The following SLC35F1 variants were observed in gnomAD, a reference collection of about 807,000 sequenced individuals.
The protein encoded by SLC35F1 is chromosome 6 open reading frame 169.
A neutral mutation model predicts 48.7 loss-of-function variants in SLC35F1; 14 were observed. That is an observed-to-expected ratio of 0.29 (90% CI 0.19 to 0.45). SLC35F1 has a LOEUF of 0.45. Ranked by LOEUF, SLC35F1 falls within the 20% of genes least tolerant of loss-of-function variation. The pLI is 1.00. For missense variants in SLC35F1, 404 were observed against 500.0 expected, an observed-to-expected ratio of 0.81 and a Z score of 1.83; for synonymous variants, 190 against 202.2, an observed-to-expected ratio of 0.94 and a Z score of 0.51.
intron 4 of SLC35F1, among the ~76,000 whole-genome samples, chr6:118,268,600 A>ATTTTTTTT (rs139088554): frequency 2.3e-5 from 2 of 87,878 alleles, no homozygotes; most frequent in East Asian, 3.3e-4. Flanking sequence ...ATATATATAT[A>ATTTTTTTT]TTTTTTTTTT....
In SLC35F1 at chr6:118,068,876, A is replaced by G. The variant is rs182571328; in HGVS notation, c.174-85569A>G. 7.5e-4 allele frequency among the ~76,000 whole-genome samples: 115 copies of G among 152,324 alleles called. 1 individual carries two copies. The highest frequency in any genetic ancestry group is 7.2e-3 in the South Asian group (35 of 4,828). On this transcript the variant is annotated intron_variant, in intron 1 of 7. Transcript: ENST00000360388. ...GCAAATACCACTAAATAGAAAACAAATTCCATTATTTTCTCTTTGAACAAG... is the reference window on the plus strand; with the variant it reads ...GCAAATACCACTAAATAGAAAACAAGTTCCATTATTTTCTCTTTGAACAAG...
intron 2 of SLC35F1, among the ~76,000 whole-genome samples, chr6:118,233,155 C>A (rs1438806770): frequency 1.3e-5 from 2 of 152,170 alleles, no homozygotes; most frequent in African/African-American, 4.8e-5. Context: ...TTAGTAGAGA[C>A]AGAGTTTCAC....
intron 1 of SLC35F1, among the ~76,000 whole-genome samples, chr6:117,988,396 A>T (rs1440503163): frequency 2.6e-5 from 4 of 152,204 alleles, no homozygotes; most frequent in Non-Finnish European, 5.9e-5. Context: ...AATTTAGTTC[A>T]ATCAAAAATA....
At chr6:118,012,326 G>GGA (rs772896282) in intron 1 of SLC35F1, among the ~76,000 whole-genome samples, 2 of 137,274 alleles carry the variant, frequency 1.5e-5, no homozygotes, top group African/African-American at 2.8e-5. Flanking sequence ...AATAAATGGG[G>GGA]AAAAAAAAAA....
chr6:118,106,488 C>A (rs540003256), intron 1 of SLC35F1, among the ~76,000 whole-genome samples: 4 of 152,182 alleles, frequency 2.6e-5, no homozygotes, highest in African/African-American at 9.6e-5. Flanking sequence ...CCTGTTGGCT[C>A]TACAGCCACT....
At chr6:118,099,535 C>G (rs369596894) in intron 1 of SLC35F1, among the ~76,000 whole-genome samples, 39 of 151,978 alleles carry the variant, frequency 2.6e-4, no homozygotes, top group East Asian at 1.7e-3. Flanking sequence ...CTCCTGTTCC[C>G]CCCAAGAATT....
At position 117,923,638 on chromosome 6, in the gene SLC35F1, C is replaced by CATATGT. The variant is rs1562238573; in HGVS notation, c.173+15741_173+15746dup. On this transcript the variant is annotated intron_variant, in intron 1 of 7. Transcript: ENST00000360388. ...ACATATGTATATATACATATATGTA[C>CATATGT]ATATGTACATATGTACATATGTATA... 6.3e-4 allele frequency among the ~76,000 whole-genome samples: 32 copies of CATATGT among 50,972 alleles called. 3 individuals carry two copies. Among genetic ancestry groups the CATATGT allele is most frequent in the African/African-American group, 2.4e-3 (32 of 13,422 alleles). 33.4% of individuals were successfully genotyped at this position (50,972 alleles called of 152,430 possible).
intron 1 of SLC35F1, among the ~76,000 whole-genome samples, chr6:117,973,916 C>T (rs907993665): frequency 1.3e-5 from 2 of 152,142 alleles, no homozygotes; most frequent in African/African-American, 2.4e-5. Flanking sequence ...CCAGCTCTGC[C>T]AAGGTAAACT....
chr6:118,296,742 T>C (rs1009542476), intron 7 of SLC35F1, among the ~76,000 whole-genome samples: 6 of 152,090 alleles, frequency 3.9e-5, no homozygotes, highest in Non-Finnish European at 8.8e-5. Flanking sequence ...ACGGAAAGGA[T>C]TGTGATTGGA....
At chr6:117,979,266 A>G (rs6942098) in intron 1 of SLC35F1, among the ~76,000 whole-genome samples, 151,429 of 152,318 alleles carry the variant, frequency 0.99, 75,277 homozygotes, top group Middle Eastern at 1. Flanking sequence ...GTGGTGGAAC[A>G]GGGCTCAGGT....
chr6:117,914,001 AG>A (rs1775794994), intron 1 of SLC35F1, among the ~76,000 whole-genome samples: 1 of 152,158 alleles, frequency 6.6e-6, no homozygotes, highest in African/African-American at 2.4e-5. Flanking sequence ...CAGTGAGCCA[AG>A]ATCACGCCAC....
At chr6:118,227,807 A>G (rs1775238125) in intron 2 of SLC35F1, among the ~76,000 whole-genome samples, 1 of 152,220 alleles carries the variant, frequency 6.6e-6, no homozygotes, top group Admixed American at 6.5e-5. Flanking sequence ...TTCATGTGGG[A>G]GGTAACATTT....
intron 1 of SLC35F1, among the ~76,000 whole-genome samples, chr6:117,960,629 G>T (rs1453886065): frequency 6.6e-6 from 1 of 152,120 alleles, no homozygotes. Context: ...AAAGAAAAGC[G>T]ATTTATCTGG....
intron 1 of SLC35F1, among the ~76,000 whole-genome samples, chr6:118,082,423 G>A (rs1267707134): frequency 2.0e-5 from 3 of 152,140 alleles, no homozygotes; most frequent in African/African-American, 7.2e-5. Flanking sequence ...GGAACAAACA[G>A]GCCTGGAGTT....
intron 1 of SLC35F1, among the ~76,000 whole-genome samples, chr6:117,960,610 G>A (rs1776485544): frequency 6.6e-6 from 1 of 152,112 alleles, no homozygotes; most frequent in African/African-American, 2.4e-5. Flanking sequence ...GTAGAAAGGG[G>A]GAAGAGGGAA....
intron 2 of SLC35F1, 52 bp from the exon 3 acceptor site, chr6:118,235,457 A>G (rs1026413272): frequency 1.3e-6 from 2 of 1,531,580 alleles, no homozygotes; most frequent in Non-Finnish European, 1.8e-6. Flanking sequence ...TAAATGTACA[A>G]TTTATTCTAT....
intron 1 of SLC35F1, among the ~76,000 whole-genome samples, chr6:118,150,286 C>G (rs1774036631): frequency 6.6e-6 from 1 of 152,134 alleles, no homozygotes; most frequent in African/African-American, 2.4e-5. Flanking sequence ...CCATTTTGTA[C>G]TAAGTTATTT....
In SLC35F1 at chr6:118,154,988, A is replaced by T. The variant is rs546469145; in HGVS notation, c.349+368A>T. Reference sequence around the variant, plus strand: ...ATGCTTGCTCTGAGAAATCCAAGGGAATTGCAGACAAATATATGTTCTGTG... The same window carrying T: ...ATGCTTGCTCTGAGAAATCCAAGGGTATTGCAGACAAATATATGTTCTGTG... On this transcript the variant is annotated intron_variant, in intron 2 of 7. Coordinates refer to ENST00000360388, the MANE Select transcript of SLC35F1 (RefSeq NM_001029858.4). Among the ~76,000 whole-genome samples the T allele has an allele frequency of 9.8e-5, 15 of 152,330 alleles. No individual in the cohort carries two copies. In the East Asian group the frequency reaches 2.9e-3, roughly 29 times the overall value.
At position 118,017,871 on chromosome 6, in the gene SLC35F1, C is replaced by T. The variant is rs115817396; in HGVS notation, c.173+109972C>T. On this transcript the variant is annotated intron_variant, in intron 1 of 7. Coordinates refer to ENST00000360388, the MANE Select transcript of SLC35F1 (RefSeq NM_001029858.4). ...GTCAATGGACCTTATCGTTACTTTACACTTTGCTTTTAAAGTCCTCCAGCA... is the reference window on the plus strand; with the variant it reads ...GTCAATGGACCTTATCGTTACTTTATACTTTGCTTTTAAAGTCCTCCAGCA... Among the ~76,000 whole-genome samples, 1,395 of 152,272 alleles carry T rather than the reference C, an allele frequency of 9.2e-3. 27 individuals are homozygous for T. The highest frequency in any genetic ancestry group is 0.031 in the African/African-American group (1,309 of 41,556).
Sources: allele counts gnomAD v4.1 joint callset (sites outside exome capture counted in the v4.1 genomes callset), GRCh38; gene constraint gnomAD v4.1.1; transcripts MANE v1.5; gene names NCBI Gene and HGNC (gene_info 2026-07-23, HGNC 2026-07-21).